The following SMAD1 variants were observed in gnomAD, a reference collection of about 807,000 sequenced individuals.
SMAD1 encodes the protein SMAD family member 1.
SMAD1 carries 6 observed loss-of-function variants against 41.6 expected under a neutral mutation model. The ratio of observed to expected loss-of-function variants is 0.14; its 90% CI spans 0.08 to 0.28. The LOEUF is 0.28. Among genes scored for constraint, SMAD1 ranks in the 10% least tolerant of loss-of-function variants. SMAD1 has a pLI of 1.00. For synonymous variants in SMAD1, 206 were observed against 203.2 expected, an observed-to-expected ratio of 1.01 and a Z score of -0.12; for missense variants, 379 against 582.6, an observed-to-expected ratio of 0.65 and a Z score of 3.60.
chr4:145,542,721 C>T, intron 4 of SMAD1, 23 bp downstream of exon 4: 1 of 1,486,364 alleles, frequency 6.7e-7, no homozygotes, highest in Non-Finnish European at 9.4e-7. Context: ...GCTGCCTGTT[C>T]CCTTTTTTAG....
chr4:145,549,380 G>T (rs562279617), intron 5 of SMAD1, among the ~76,000 whole-genome samples: 12 of 152,306 alleles, frequency 7.9e-5, no homozygotes, highest in Admixed American at 2.6e-4. Flanking sequence ...GGTTCAGGAA[G>T]AAATTAGTGT....
intron 2 of SMAD1, among the ~76,000 whole-genome samples, chr4:145,530,566 G>A (rs201282597): frequency 1.4e-4 from 22 of 152,262 alleles, no homozygotes; most frequent in Non-Finnish European, 2.8e-4. Context: ...AGTGGCTTTT[G>A]TTTAATGCTT....
At chr4:145,489,117 G>A (rs113246675) in intron 1 of SMAD1, among the ~76,000 whole-genome samples, 2 of 152,330 alleles carry the variant, frequency 1.3e-5, no homozygotes, top group African/African-American at 4.8e-5. Context: ...ACATGGAACA[G>A]CATTTTTTAA....
chr4:145,508,390 GCTGTCT>G (rs1292245093), intron 1 of SMAD1, among the ~76,000 whole-genome samples: 1 of 151,956 alleles, frequency 6.6e-6, no homozygotes, highest in Non-Finnish European at 1.5e-5. Flanking sequence ...GCCACTTATA[GCTGTCT>G]ACATAACTTT....
chr4:145,504,547 A>G (rs1341877593), intron 1 of SMAD1, among the ~76,000 whole-genome samples: 1 of 152,144 alleles, frequency 6.6e-6, no homozygotes, highest in Non-Finnish European at 1.5e-5. Flanking sequence ...TACTTGTTCT[A>G]GAGTTCTGTC....
At chr4:145,517,162 G>A (rs1242654800) in intron 2 of SMAD1, 1 of 152,160 alleles carries the variant, frequency 6.6e-6, no homozygotes, top group Non-Finnish European at 1.5e-5. Flanking sequence ...CCTCTAGAGA[G>A]GTCTGCACAT....
Position 145,482,355 on chromosome 4 carries a change from G to A in SMAD1, c.-177+317G>A, listed in dbSNP as rs1728231003. 1 of 151,906 alleles carries A rather than the reference G, an allele frequency of 6.6e-6. No individual in the cohort carries two copies. The highest frequency in any genetic ancestry group is 1.9e-4 in the East Asian group (1 of 5,130). The allele number at this position is 151,906 out of a possible 1,614,324, so 9.4% of individuals were successfully genotyped here. A position where few individuals can be genotyped will look rare whatever the true frequency, so the allele number is the denominator to read the frequency against. ...TTCTGCTGTGGGAAGCCCAGTTCCC[G>A]GGCCCCCGAGCCTCGGCTCCCGGGC... On this transcript the variant is annotated intron_variant, in intron 1 of 6. Transcript: ENST00000302085. This position sits in a 1 kb window ranked among gnomAD's most constrained non-coding sequence, Gnocchi z 4.2.
intron 1 of SMAD1, among the ~76,000 whole-genome samples, chr4:145,511,552 C>G (rs58688997): frequency 5.3e-5 from 8 of 152,268 alleles, no homozygotes; most frequent in African/African-American, 1.9e-4. Context: ...CTGGGCTAAT[C>G]ATATATATTT....
chr4:145,538,387 C>T (rs544045348), intron 2 of SMAD1, among the ~76,000 whole-genome samples: 2 of 152,186 alleles, frequency 1.3e-5, no homozygotes, highest in South Asian at 2.1e-4. Context: ...TTATTATATA[C>T]TCAAAAGATT....
chr4:145,556,541 C>T (rs760828727), intron 6 of SMAD1, among the ~76,000 whole-genome samples: 3 of 151,956 alleles, frequency 2.0e-5, no homozygotes, highest in Non-Finnish European at 4.4e-5. Flanking sequence ...ACTGCAACCT[C>T]TGCCTCCCAG....
intron 1 of SMAD1, among the ~76,000 whole-genome samples, chr4:145,504,488 G>A (rs988619185): frequency 3.3e-5 from 5 of 152,058 alleles, no homozygotes; most frequent in African/African-American, 1.2e-4. Flanking sequence ...CATGCTTTTT[G>A]TTAGGAACCA....
chr4:145,493,227 G>A (rs947989202), intron 1 of SMAD1, among the ~76,000 whole-genome samples: 1 of 152,170 alleles, frequency 6.6e-6, no homozygotes, highest in African/African-American at 2.4e-5. Context: ...GTAGAGGGAA[G>A]AGAAATGCCA....
At chr4:145,539,002 T>C (rs1731774561) in intron 2 of SMAD1, among the ~76,000 whole-genome samples, 1 of 152,182 alleles carries the variant, frequency 6.6e-6, no homozygotes, top group Non-Finnish European at 1.5e-5. Context: ...GTAGAACATT[T>C]AGGAGTGACA....
rs1391185294 is a variant in SMAD1 at position 145,553,956 on chromosome 4, G to A, written c.1170G>A (p.Gln390=). The A allele has an allele frequency of 1.9e-6, 3 of 1,613,994 alleles. No homozygotes were observed. Among genetic ancestry groups the A allele is most frequent in the Non-Finnish European group, 2.5e-6 (3 of 1,179,938 alleles). Residue 390 remains glutamine, a synonymous_variant, in exon 6 of 7, where the codon CAG becomes CAA. Coordinates refer to ENST00000302085, the MANE Select transcript of SMAD1 (RefSeq NM_005900.3). ...TTTTTAACAACCAAGAATTTGCTCA[G>A]TTATTGGCACAGTCTGTGAACCATG... is the stretch of plus-strand genomic sequence containing the variant. ...LKIFNNQEFA[Q]LLAQSVNHGF...
intron 1 of SMAD1, among the ~76,000 whole-genome samples, chr4:145,492,183 C>T (rs989957255): frequency 2.6e-5 from 4 of 152,080 alleles, no homozygotes; most frequent in South Asian, 4.1e-4. Context: ...GTGGGTTTTT[C>T]GCTACACACC....
rs1341788693 is a variant in SMAD1 at position 145,482,254 on chromosome 4, T to G, written c.-177+216T>G. On this transcript the variant is annotated intron_variant, in intron 1 of 6. Transcript: ENST00000302085. This position sits in a 1 kb window ranked among gnomAD's most constrained non-coding sequence, Gnocchi z 4.2. ...CCCCCCCATGATGGCGCCTCCCGTCTGCTCGGAGGAGCGAACCTGCTACCA... is the reference window on the plus strand; with the variant it reads ...CCCCCCCATGATGGCGCCTCCCGTCGGCTCGGAGGAGCGAACCTGCTACCA... Among the ~76,000 whole-genome samples the G allele has an allele frequency of 1.4e-5, 2 of 146,910 alleles. No homozygotes were observed. The highest frequency in any genetic ancestry group is 3.0e-5 in the Non-Finnish European group (2 of 66,368).
intron 2 of SMAD1, among the ~76,000 whole-genome samples, chr4:145,527,164 C>T (rs1731059501): frequency 6.6e-6 from 1 of 151,720 alleles, no homozygotes; most frequent in Non-Finnish European, 1.5e-5. Flanking sequence ...AAAATAGTGA[C>T]TTTTTATGCT....
At position 145,553,914 on chromosome 4, in the gene SMAD1, T is replaced by C. The variant is rs760497036; in HGVS notation, c.1128T>C (p.Ser376=). The C allele has an allele frequency of 6.2e-7, 1 of 1,614,014 alleles. No homozygotes were observed. Among genetic ancestry groups the C allele is most frequent in the Non-Finnish European group, 8.5e-7 (1 of 1,180,032 alleles). ...CTACTACTGTTTGCAAGATCCCTAG[T>C]GGGTGTAGTCTGAAAATTTTTAACA... The part of the protein sequence containing the change: ...FHPTTVCKIP[S]GCSLKIFNNQ... Residue 376 remains serine, a synonymous_variant, in exon 6 of 7, where the codon AGT becomes AGC. Transcript: ENST00000302085.
chr4:145,558,094 AC>A lies in SMAD1; in HGVS notation c.*161del, dbSNP rs67615455. 0.022 allele frequency: 7,989 copies of A among 366,544 alleles called. 93 individuals are homozygous for A. The highest frequency in any genetic ancestry group is 0.065 in the African/African-American group (2,901 of 44,616). 22.7% of individuals were successfully genotyped at this position (366,544 alleles called of 1,614,324 possible). A position where few individuals can be genotyped will look rare whatever the true frequency, so the allele number is the denominator to read the frequency against. ...GAAATTTAAACAAAAAAAAAAAAAA[AC>A]ACACACACCTTGGTAACATACTGTT... On this transcript the variant is annotated 3_prime_UTR_variant, in exon 7 of 7. Coordinates refer to ENST00000302085, the MANE Select transcript of SMAD1 (RefSeq NM_005900.3).
Sources: allele counts gnomAD v4.1 joint callset (sites outside exome capture counted in the v4.1 genomes callset), GRCh38; gene constraint gnomAD v4.1.1; non-coding constraint Gnocchi (gnomAD v3.1); transcripts MANE v1.5; gene names NCBI Gene and HGNC (gene_info 2026-07-23, HGNC 2026-07-21).